Variants in DCTN5 observed in about 807,000 individuals in gnomAD.
The protein encoded by DCTN5 is dynactin subunit 5, also known as dynactin 4.
A neutral mutation model predicts 23.5 loss-of-function variants in DCTN5; 14 were observed. The observed-to-expected ratio is 0.60, with a 90% confidence interval of 0.39 to 0.93. The LOEUF is 0.93. Among genes scored for constraint, DCTN5 ranks in the 40% least tolerant of loss-of-function variants. The pLI, the probability that DCTN5 is intolerant of heterozygous loss-of-function variation, is 0.00. For synonymous variants in DCTN5, 67 were observed against 79.6 expected (o/e 0.84, Z 0.84); for missense variants, 156 against 225.9 (o/e 0.69, Z 1.98).
chr16:23,658,750 C>T (rs1016799040), intron 3 of DCTN5, 125 bp downstream of exon 3: 3 of 728,078 alleles, frequency 4.1e-6, no homozygotes, highest in Non-Finnish European at 7.3e-6. Flanking sequence ...TAAGAGTTCA[C>T]CATAATGAAC....
rs1279374108 is a variant in DCTN5, at chr16:23,672,202, AG to A, written c.*5060del. On this transcript the variant is annotated 3_prime_UTR_variant, in exon 6 of 6. Transcript: ENST00000300087. ...CTCTGAGCTTCCTGGGAACAGGTAT[AG>A]GTTCTTTTTATTTCAATAATAACAG... 2.6e-5 allele frequency: 4 copies of A among 152,210 alleles called. 1 individual carries two copies. The highest frequency in any genetic ancestry group is 4.8e-5 in the African/African-American group (2 of 41,460). 9.4% of individuals were successfully genotyped at this position (152,210 alleles called of 1,614,324 possible).
At chr16:23,653,610 C>G (rs754694138) in intron 2 of DCTN5, among the ~76,000 whole-genome samples, 4 of 152,184 alleles carry the variant, frequency 2.6e-5, no homozygotes, top group Middle Eastern at 3.2e-3. Flanking sequence ...TGGAAGACAA[C>G]CTAACCAGTA....
At chr16:23,654,048 GGTT>G (rs1967652848) in intron 2 of DCTN5, among the ~76,000 whole-genome samples, 1 of 152,202 alleles carries the variant, frequency 6.6e-6, no homozygotes, top group Admixed American at 6.5e-5. Flanking sequence ...ATGCTGGTGA[GGTT>G]GTGAAGAAAA....
Position 23,650,942 on chromosome 16 carries a change from G to T in DCTN5, c.118-7565G>T, listed in dbSNP as rs544483750. The T allele has an allele frequency of 6.0e-4, 860 of 1,425,376 alleles. 11 individuals are homozygous for T. The African/African-American group carries it at 0.01, about 17-fold the overall frequency. 88.3% of individuals were successfully genotyped at this position (1,425,376 alleles called of 1,614,324 possible). ...TTACTGTGTGGGAATACAGGCCCAC[G>T]TGGCAACAATCAGCTTTCCAGAGCG... On this transcript the variant is annotated intron_variant, in intron 2 of 5. Coordinates refer to ENST00000300087, the MANE Select transcript of DCTN5 (RefSeq NM_032486.4).
chr16:23,645,217 C>T (rs1328401182), intron 2 of DCTN5, among the ~76,000 whole-genome samples: 1 of 147,386 alleles, frequency 6.8e-6, no homozygotes, highest in Non-Finnish European at 1.5e-5. Context: ...TCACCACAAC[C>T]TCCGCCTCCC....
intron 4 of DCTN5, 85 bp downstream of exon 4, chr16:23,661,366 A>G (rs1175957861): frequency 2.1e-6 from 2 of 956,414 alleles, no homozygotes; most frequent in Non-Finnish European, 1.7e-6. Context: ...TGTTTCTGTG[A>G]CTAAGCAGGG....
At chr16:23,656,672 A>AT (rs1214219749) in intron 2 of DCTN5, among the ~76,000 whole-genome samples, 1 of 151,764 alleles carries the variant, frequency 6.6e-6, no homozygotes, top group African/African-American at 2.4e-5. Flanking sequence ...TTTACTATTT[A>AT]TTTTTTCTTT....
chr16:23,645,445 A>G (rs1362459434), intron 2 of DCTN5, among the ~76,000 whole-genome samples: 1 of 152,074 alleles, frequency 6.6e-6, no homozygotes, highest in Non-Finnish European at 1.5e-5. Context: ...TTAAGTGTAC[A>G]ATTAGTTGCA....
At chr16:23,647,137 T>TTTTTTTTTTTGTTTTTTTTG (rs1179079277) in intron 2 of DCTN5, among the ~76,000 whole-genome samples, 720 of 3,362 alleles carry the variant, frequency 0.21, 7 homozygotes, top group African/African-American at 0.26. Flanking sequence ...GTTTTCTGGT[T>TTTTTTTTTTTGTTTTTTTTG]TTTTTTTTTT....
intron 2 of DCTN5, among the ~76,000 whole-genome samples, chr16:23,655,860 A>C (rs1257034442): frequency 2.0e-5 from 3 of 152,154 alleles, no homozygotes; most frequent in Non-Finnish European, 4.4e-5. Context: ...GTATTTTAAA[A>C]CAAATTGCAA....
chr16:23,667,249 C>A lies in DCTN5; in HGVS notation c.*105C>A, dbSNP rs1314743640. 6.4e-6 allele frequency: 9 copies of A among 1,396,886 alleles called. No homozygotes were observed. Among genetic ancestry groups the A allele is most frequent in the Non-Finnish European group, 8.8e-6 (9 of 1,022,096 alleles). 86.5% of individuals were successfully genotyped at this position (1,396,886 alleles called of 1,614,324 possible). A position where few individuals can be genotyped will look rare whatever the true frequency, so the allele number is the denominator to read the frequency against. ...GAGCTTTTGTGTCTTTGACATCTACCACCCTCCTCCTTTTAAAAAATTTCT... is the reference window on the plus strand; with the variant it reads ...GAGCTTTTGTGTCTTTGACATCTACAACCCTCCTCCTTTTAAAAAATTTCT... On this transcript the variant is annotated 3_prime_UTR_variant, in exon 6 of 6. Coordinates refer to ENST00000300087, the MANE Select transcript of DCTN5 (RefSeq NM_032486.4).
intron 4 of DCTN5, among the ~76,000 whole-genome samples, chr16:23,662,006 A>G (rs1967822250): frequency 6.6e-6 from 1 of 151,666 alleles, no homozygotes; most frequent in East Asian, 1.9e-4. Context: ...CCTTGAGCCC[A>G]GGAGTTCAAG....
intron 2 of DCTN5, chr16:23,651,041 T>A: frequency 7.2e-7 from 1 of 1,383,476 alleles, no homozygotes; most frequent in Non-Finnish European, 9.4e-7. Context: ...CAAATAGTAA[T>A]GTTTAATTTT....
chr16:23,662,570 T>G (rs1317243714), intron 4 of DCTN5, among the ~76,000 whole-genome samples: 6 of 152,222 alleles, frequency 3.9e-5, no homozygotes, highest in Non-Finnish European at 8.8e-5. Context: ...CCCGTTAATA[T>G]GGAGCCAGCT....
chr16:23,657,200 G>A (rs972468405), intron 2 of DCTN5, among the ~76,000 whole-genome samples: 5 of 151,990 alleles, frequency 3.3e-5, no homozygotes, highest in Non-Finnish European at 7.4e-5. Flanking sequence ...GCCTGCAATC[G>A]CAGCACTTTG....
intron 2 of DCTN5, 144 bp downstream of exon 2, chr16:23,643,167 T>C: frequency 1.4e-6 from 1 of 707,680 alleles, no homozygotes; most frequent in Non-Finnish European, 2.3e-6. Flanking sequence ...TTTTATTTTG[T>C]AAATTGGATC....
At chr16:23,645,203 C>G (rs1256690954) in intron 2 of DCTN5, among the ~76,000 whole-genome samples, 1 of 139,430 alleles carries the variant, frequency 7.2e-6, no homozygotes, top group Admixed American at 7.4e-5. Context: ...GGCACGATCT[C>G]GGCTCACCAC....
intron 2 of DCTN5, among the ~76,000 whole-genome samples, chr16:23,656,924 G>C (rs1967714152): frequency 6.6e-6 from 1 of 151,526 alleles, no homozygotes; most frequent in Non-Finnish European, 1.5e-5. Flanking sequence ...CTGGGAGGCG[G>C]GGTTGCAGTG....
intron 3 of DCTN5, among the ~76,000 whole-genome samples, chr16:23,660,891 ATT>A (rs1375455506): frequency 6.6e-6 from 1 of 152,180 alleles, no homozygotes; most frequent in Non-Finnish European, 1.5e-5. Flanking sequence ...ACGTTCATTG[ATT>A]TTTATTTGGT....
Sources: allele counts gnomAD v4.1 joint callset (sites outside exome capture counted in the v4.1 genomes callset), GRCh38; gene constraint gnomAD v4.1.1; transcripts MANE v1.5; gene names NCBI Gene and HGNC (gene_info 2026-07-23, HGNC 2026-07-21).